The following TSPEAR variants were observed in gnomAD, a reference collection of about 807,000 sequenced individuals.
TSPEAR encodes the protein thrombospondin-type laminin G domain and EAR repeat-containing protein.
In TSPEAR, 69 loss-of-function variants were observed where a neutral mutation model predicts 71.6. The observed-to-expected ratio is 0.96, with a 90% confidence interval of 0.79 to 1.18. The LOEUF is 1.18. TSPEAR is among the 50% of genes most tolerant of loss of function. The probability of loss-of-function intolerance (pLI) is 0.00; values close to 1 mark genes in which losing one functional copy is unlikely to be tolerated. For missense variants in TSPEAR, 971 were observed against 894.9 expected (o/e 1.09, Z -1.09); for synonymous variants, 402 against 387.2 (o/e 1.04, Z -0.45).
chr21:44,698,273 C>T (rs1056810026), intron 1 of TSPEAR, among the ~76,000 whole-genome samples: 9 of 152,202 alleles, frequency 5.9e-5, no homozygotes, highest in South Asian at 2.1e-4. Context: ...CCACGTAGCC[C>T]GGCTGCACTT....
intron 1 of TSPEAR, among the ~76,000 whole-genome samples, chr21:44,654,057 G>A (rs1199676268): frequency 6.6e-6 from 1 of 152,232 alleles, no homozygotes; most frequent in African/African-American, 2.4e-5. Flanking sequence ...AGTGCGGAGG[G>A]CCCTGTGGAT....
chr21:44,637,136 T>A (rs1435953149), intron 1 of TSPEAR, among the ~76,000 whole-genome samples: 5 of 152,088 alleles, frequency 3.3e-5, no homozygotes, highest in African/African-American at 1.2e-4. Context: ...CTCCTGGTGT[T>A]CCCGGGAGAC....
At chr21:44,706,343 A>G (rs1987915068) in intron 1 of TSPEAR, among the ~76,000 whole-genome samples, 1 of 150,972 alleles carries the variant, frequency 6.6e-6, no homozygotes, top group African/African-American at 2.4e-5. Context: ...GCACACCCCC[A>G]TGCACACGCA....
Position 44,499,808 on chromosome 21 carries a change from C to G in TSPEAR, c.1985G>C (p.Arg662Thr). The G allele has an allele frequency of 6.3e-7, 1 of 1,576,832 alleles. No homozygotes were observed. The highest frequency in any genetic ancestry group is 8.6e-7 in the Non-Finnish European group (1 of 1,162,536). The stretch of plus-strand genomic sequence containing the variant: ...TCAGCGTGTCCTCAGCCGCAGGACC[C>G]TGGAGAGGGGCTCCTTGGCGCTGGA... ...IYSSAKEPLS[R>T]VLRLRTR is the part of the protein sequence containing the mutation. The change falls in exon 12 of 12, where the codon AGG becomes ACG. Residue 662 changes from arginine (R) to threonine (T), a missense_variant. Coordinates refer to ENST00000323084, the MANE Select transcript of TSPEAR (RefSeq NM_144991.3).
chr21:44,645,288 A>AT (rs1984251210), intron 1 of TSPEAR, among the ~76,000 whole-genome samples: 1 of 152,010 alleles, frequency 6.6e-6, no homozygotes. Context: ...TAAAGCTTGG[A>AT]TCCACCAGCT....
chr21:44,573,779 C>A, intron 1 of TSPEAR: 2 of 1,612,054 alleles, frequency 1.2e-6, no homozygotes, highest in Non-Finnish European at 1.7e-6. Context: ...GCTCCAGCGA[C>A]CTGAGCTACA....
chr21:44,528,302 CCT>C, intron 6 of TSPEAR, 148 bp downstream of exon 6: 1 of 1,100,440 alleles, frequency 9.1e-7, no homozygotes, highest in Non-Finnish European at 1.3e-6. Flanking sequence ...ACTGATGCTG[CCT>C]CTCACTCTTA....
chr21:44,523,802 A>C (rs782800772), intron 8 of TSPEAR, among the ~76,000 whole-genome samples: 6 of 151,454 alleles, frequency 4.0e-5, no homozygotes, highest in Non-Finnish European at 7.4e-5. Flanking sequence ...GTAGTCAGTC[A>C]GTCAGTCAGT....
intron 1 of TSPEAR, chr21:44,678,183 A>G (rs73234839): frequency 0.055 from 26,338 of 475,752 alleles, 854 homozygotes; most frequent in Middle Eastern, 0.11. Context: ...GCCTATTTTT[A>G]TCACTCCTAT....
chr21:44,558,526 G>T (rs1337703974), intron 2 of TSPEAR: 1 of 1,613,418 alleles, frequency 6.2e-7, no homozygotes, highest in African/African-American at 1.3e-5. Context: ...CAGGGGCTGG[G>T]CTCACAGGCC....
chr21:44,525,155 T>C (rs868908361), intron 8 of TSPEAR, among the ~76,000 whole-genome samples: 24 of 151,662 alleles, frequency 1.6e-4, no homozygotes, highest in African/African-American at 4.6e-4. Context: ...GTCAGGTAGT[T>C]AGTCAGTCAG....
At chr21:44,505,338 C>T (rs1394994205) in intron 10 of TSPEAR, among the ~76,000 whole-genome samples, 8 of 152,112 alleles carry the variant, frequency 5.3e-5, no homozygotes, top group African/African-American at 1.9e-4. Flanking sequence ...CTCAGCCTCC[C>T]AAAGTGCTGG....
intron 1 of TSPEAR, chr21:44,702,110 C>G: frequency 1.0e-6 from 1 of 1,003,062 alleles, no homozygotes; most frequent in Non-Finnish European, 1.4e-6. Flanking sequence ...GAAACTTCAC[C>G]CAGGAGAGGC....
chr21:44,660,074 C>T (rs1267195132), intron 1 of TSPEAR, among the ~76,000 whole-genome samples: 1 of 151,732 alleles, frequency 6.6e-6, no homozygotes, highest in African/African-American at 2.4e-5. Context: ...TGTAAATTGA[C>T]CAAATTAAAA....
At chr21:44,615,729 T>A (rs1982048782) in intron 1 of TSPEAR, among the ~76,000 whole-genome samples, 1 of 152,070 alleles carries the variant, frequency 6.6e-6, no homozygotes, top group African/African-American at 2.4e-5. Context: ...TATATATAGT[T>A]ATCAAAAGAA....
Position 44,527,344 on chromosome 21 carries a change from T to C in TSPEAR, c.1097A>G (p.Asn366Ser), listed in dbSNP as rs782007933. The change falls in exon 7 of 12, where the codon AAC becomes AGC. Residue 366 changes from asparagine (N) to serine (S), a missense_variant. By Grantham distance (46) the Asn-to-Ser change is conservative. Coordinates refer to ENST00000323084, the MANE Select transcript of TSPEAR (RefSeq NM_144991.3). ...WTEEKFVSYQ[N>S]IPTHQAQAWR... Reference sequence around the variant, plus strand: ...GGCCTGTGCTTGGTGCGTGGGGATGTTCTGATATGAGACGAACTTCTCTTC... The same window carrying C: ...GGCCTGTGCTTGGTGCGTGGGGATGCTCTGATATGAGACGAACTTCTCTTC... The C allele has an allele frequency of 5.6e-6, 9 of 1,614,094 alleles. No homozygotes were observed. Among genetic ancestry groups the C allele is most frequent in the African/African-American group, 1.3e-5 (1 of 74,938 alleles).
At chr21:44,640,340 C>G (rs1240201238) in intron 1 of TSPEAR, among the ~76,000 whole-genome samples, 1 of 152,190 alleles carries the variant, frequency 6.6e-6, no homozygotes, top group Non-Finnish European at 1.5e-5. Context: ...TCAGAACAGG[C>G]AAATCCGCAG....
chr21:44,524,242 G>A (rs2052800366), intron 8 of TSPEAR, among the ~76,000 whole-genome samples: 1 of 151,788 alleles, frequency 6.6e-6, no homozygotes. Context: ...CAGTGAGGTA[G>A]TCCATCAGTC....
intron 1 of TSPEAR, among the ~76,000 whole-genome samples, chr21:44,579,169 T>G (rs1224068553): frequency 6.6e-6 from 1 of 152,096 alleles, no homozygotes; most frequent in Non-Finnish European, 1.5e-5. Flanking sequence ...GGGTGGGCTC[T>G]CCCAGGTGGG....
Sources: gnomAD v4.1 joint callset for allele counts (sites outside exome capture counted in the v4.1 genomes callset) on GRCh38, gnomAD v4.1.1 for gene constraint, MANE v1.5 for transcripts, NCBI Gene and HGNC (gene_info 2026-07-23, HGNC 2026-07-21) for gene names.